ATP8A2: variants seen among roughly 807,000 people sequenced by gnomAD.
ATP8A2 encodes the protein phospholipid-transporting ATPase IB.
In ATP8A2, 100 loss-of-function variants were observed where a neutral mutation model predicts 165.6. The ratio of observed to expected loss-of-function variants is 0.60; its 90% CI spans 0.51 to 0.71. The LOEUF is 0.71. Ranked by LOEUF, ATP8A2 falls within the 30% of genes least tolerant of loss-of-function variation. The pLI is 0.00. For synonymous variants in ATP8A2, 543 were observed against 548.8 expected (o/e 0.99, Z 0.15); for missense variants, 1,227 against 1,479.5 (o/e 0.83, Z 2.80).
intron 25 of ATP8A2, among the ~76,000 whole-genome samples, chr13:25,704,562 C>T (rs2043017798): frequency 1.3e-5 from 2 of 152,080 alleles, no homozygotes; most frequent in African/African-American, 2.4e-5. Flanking sequence ...TCTCAAACTC[C>T]TGGCCTCAAG....
chr13:25,499,993 T>C (rs2036803923), intron 2 of ATP8A2, among the ~76,000 whole-genome samples: 1 of 152,088 alleles, frequency 6.6e-6, no homozygotes, highest in South Asian at 2.1e-4. Flanking sequence ...CCTCTAGTCC[T>C]AGGGTAGCAC....
chr13:25,613,431 T>A (rs913149102), intron 24 of ATP8A2, among the ~76,000 whole-genome samples: 1 of 151,894 alleles, frequency 6.6e-6, no homozygotes, highest in African/African-American at 2.4e-5. Context: ...AAAATTAGCT[T>A]GGTGTGGTGG....
In ATP8A2 at chr13:26,019,902, T is replaced by TC; in HGVS notation, c.3485dup (p.Gln1163SerfsTer8). ...TTCACTTTCAGATGGGTATGCTTTT[T>TC]CTCAAGAAGAACACGGAGCTGTTAG... On this transcript the variant is annotated frameshift_variant, in exon 37 of 37. Coordinates refer to ENST00000381655, the MANE Select transcript of ATP8A2 (RefSeq NM_016529.6). LOFTEE classifies it high-confidence loss of function. The TC allele has an allele frequency of 6.2e-7, 1 of 1,613,820 alleles. No homozygotes were observed. Among genetic ancestry groups the TC allele is most frequent in the Non-Finnish European group, 8.5e-7 (1 of 1,179,672 alleles).
intron 1 of ATP8A2, among the ~76,000 whole-genome samples, chr13:25,381,874 C>T (rs1342268455): frequency 4.6e-5 from 7 of 152,124 alleles, no homozygotes; most frequent in Non-Finnish European, 7.3e-5. Context: ...AGGGCAATGT[C>T]GGCAGTGTTG....
chr13:25,445,314 A>G (rs1373770334), intron 1 of ATP8A2, among the ~76,000 whole-genome samples: 2 of 152,256 alleles, frequency 1.3e-5, no homozygotes, highest in Non-Finnish European at 2.9e-5. Context: ...GAATAAAAGC[A>G]TTAAGTTTAA....
intron 30 of ATP8A2, among the ~76,000 whole-genome samples, chr13:25,844,984 T>G (rs975831777): frequency 6.6e-6 from 1 of 152,232 alleles, no homozygotes; most frequent in African/African-American, 2.4e-5. Context: ...TCCAAGAATT[T>G]TGCTTTGCTT....
chr13:25,402,076 G>A (rs935973490), intron 1 of ATP8A2, among the ~76,000 whole-genome samples: 7 of 152,044 alleles, frequency 4.6e-5, no homozygotes, highest in Admixed American at 1.3e-4. Context: ...GTGATACCAC[G>A]ACAGTCAATC....
intron 33 of ATP8A2, among the ~76,000 whole-genome samples, chr13:25,893,201 T>G (rs1203877248): frequency 2.0e-5 from 1 of 51,132 alleles, no homozygotes; most frequent in Non-Finnish European, 3.6e-5. Flanking sequence ...CCCTCCCCCC[T>G]CCCCCCACCC....
intron 6 of ATP8A2, among the ~76,000 whole-genome samples, chr13:25,537,265 G>T (rs1441756072): frequency 6.6e-6 from 1 of 152,128 alleles, no homozygotes; most frequent in Admixed American, 6.5e-5. Flanking sequence ...TTTCCAGGGG[G>T]ACTTTCAGGT....
At chr13:25,403,222 A>ACACTGGTG (rs1375282188) in intron 1 of ATP8A2, among the ~76,000 whole-genome samples, 1 of 152,172 alleles carries the variant, frequency 6.6e-6, no homozygotes, top group Non-Finnish European at 1.5e-5. Flanking sequence ...GGAAGCAGAG[A>ACACTGGTG]GCAGCCCTCA....
intron 28 of ATP8A2, among the ~76,000 whole-genome samples, chr13:25,834,511 GT>G (rs1275938331): frequency 6.6e-6 from 1 of 152,204 alleles, no homozygotes; most frequent in Non-Finnish European, 1.5e-5. Context: ...ATGTCTGTCA[GT>G]GGGTGAATGG....
chr13:25,465,103 G>A (rs897594980), intron 1 of ATP8A2, among the ~76,000 whole-genome samples: 1 of 152,242 alleles, frequency 6.6e-6, no homozygotes, highest in Admixed American at 6.5e-5. Context: ...TGGTGGAGGT[G>A]TAAGCATATA....
chr13:25,730,698 C>A (rs895142056), intron 25 of ATP8A2, among the ~76,000 whole-genome samples: 1 of 152,080 alleles, frequency 6.6e-6, no homozygotes, highest in African/African-American at 2.4e-5. Context: ...AATCCATGCC[C>A]AGTTTGCTTA....
chr13:25,884,773 G>C (rs569000495), intron 33 of ATP8A2, among the ~76,000 whole-genome samples: 3 of 152,220 alleles, frequency 2.0e-5, no homozygotes, highest in Non-Finnish European at 2.9e-5. Context: ...TGGGTGAACA[G>C]AGTTTGATTT....
chr13:25,413,785 G>A (rs563707806), intron 1 of ATP8A2, among the ~76,000 whole-genome samples: 149 of 152,226 alleles, frequency 9.8e-4, no homozygotes, highest in African/African-American at 3.3e-3. Flanking sequence ...GTCTTCCATC[G>A]CTGGCCAAAG....
chr13:25,433,198 G>A (rs375659236), intron 1 of ATP8A2, among the ~76,000 whole-genome samples: 77 of 152,330 alleles, frequency 5.1e-4, no homozygotes, highest in African/African-American at 1.8e-3. Context: ...AAGGAGAGAA[G>A]GAAGTGTTAT....
intron 1 of ATP8A2, among the ~76,000 whole-genome samples, chr13:25,409,160 T>C (rs773295170): frequency 7.9e-5 from 12 of 152,200 alleles, no homozygotes; most frequent in Non-Finnish European, 4.4e-5. Context: ...TGCTTTCATC[T>C]CTTCTCAGCC....
intron 35 of ATP8A2, among the ~76,000 whole-genome samples, chr13:25,990,067 G>A (rs1425533201): frequency 2.0e-5 from 3 of 152,210 alleles, no homozygotes; most frequent in African/African-American, 7.2e-5. Context: ...CATGGTTTCA[G>A]GGAGGTGCTC....
chr13:25,537,874 T>G (rs2038338731), intron 6 of ATP8A2, 114 bp from the exon 7 acceptor site: 1 of 637,312 alleles, frequency 1.6e-6, no homozygotes, highest in Non-Finnish European at 2.6e-6. Flanking sequence ...TATCTTAAAC[T>G]TCATGGCTTA....
Sources: gnomAD v4.1 joint callset for allele counts (sites outside exome capture counted in the v4.1 genomes callset) on GRCh38, gnomAD v4.1.1 for gene constraint, MANE v1.5 for transcripts, NCBI Gene and HGNC (gene_info 2026-07-23, HGNC 2026-07-21) for gene names.